Variants in SSBP2 observed in about 807,000 individuals in gnomAD.
The protein encoded by SSBP2 is single stranded DNA binding protein 2.
Under a neutral mutation model 61.8 loss-of-function variants are expected in SSBP2, and 17 were observed. The observed-to-expected ratio is 0.28, with a 90% CI of 0.19 to 0.41. The LOEUF (loss-of-function observed/expected upper bound fraction) is 0.41. SSBP2 is among the 10% of genes least tolerant of loss of function. The pLI, the probability that SSBP2 is intolerant of heterozygous loss-of-function variation, is 1.00. For synonymous variants in SSBP2, 139 were observed against 141.3 expected, an observed-to-expected ratio of 0.98 and a Z score of 0.12; for missense variants, 310 against 458.7, an observed-to-expected ratio of 0.68 and a Z score of 2.96.
At chr5:81,733,554 T>A (rs1286709988) in intron 1 of SSBP2, among the ~76,000 whole-genome samples, 1 of 152,202 alleles carries the variant, frequency 6.6e-6, no homozygotes, top group Non-Finnish European at 1.5e-5. Context: ...TTATAATCTA[T>A]CCAGATTGGA....
At chr5:81,749,996 T>C (rs1757616947) in intron 1 of SSBP2, among the ~76,000 whole-genome samples, 1 of 149,920 alleles carries the variant, frequency 6.7e-6, no homozygotes, top group Non-Finnish European at 1.5e-5. Context: ...CCCCGGCGGC[T>C]CCCACAACTC....
intron 1 of SSBP2, among the ~76,000 whole-genome samples, chr5:81,715,575 A>G (rs1043890193): frequency 9.8e-5 from 15 of 152,368 alleles, no homozygotes; most frequent in African/African-American, 2.6e-4. Context: ...TTTAACAAGT[A>G]TAAGTATTCC....
At chr5:81,670,258 T>C (rs1247836306) in intron 1 of SSBP2, among the ~76,000 whole-genome samples, 2 of 152,158 alleles carry the variant, frequency 1.3e-5, no homozygotes, top group Non-Finnish European at 2.9e-5. Flanking sequence ...GTAACACATG[T>C]GTGGGAGCAG....
In SSBP2 at chr5:81,615,537, C is replaced by T; in HGVS notation, c.218G>A (p.Cys73Tyr). 1 of 1,613,138 alleles carries T rather than the reference C, an allele frequency of 6.2e-7. No homozygotes were observed. The highest frequency in any genetic ancestry group is 8.5e-7 in the Non-Finnish European group (1 of 1,179,478). ...TGTTTCACGTCTCTCTGGAGCTGCA[C>T]AGTAGAGATCCCAAAATACACTAAA... Residue 73 changes from cysteine (C) to tyrosine (Y), a missense_variant, in exon 4 of 17, where the codon TGT becomes TAT. Around this residue, in one of 4 missense-constraint regions of SSBP2, gnomAD observed 209 missense variants for 286.4 expected, o/e 0.73. Transcript: ENST00000320672.
intron 1 of SSBP2, among the ~76,000 whole-genome samples, chr5:81,719,012 G>A (rs986068355): frequency 7.2e-5 from 11 of 152,084 alleles, no homozygotes; most frequent in African/African-American, 1.9e-4. Flanking sequence ...ATTTTCCCCC[G>A]TTTACATTTT....
intron 4 of SSBP2, among the ~76,000 whole-genome samples, chr5:81,578,465 T>C (rs1195550450): frequency 1.3e-5 from 2 of 151,942 alleles, no homozygotes; most frequent in Non-Finnish European, 2.9e-5. Context: ...TGAATTTAAA[T>C]TGTTTCTGGA....
intron 3 of SSBP2, among the ~76,000 whole-genome samples, chr5:81,617,941 T>A (rs1384382536): frequency 1.5e-5 from 2 of 135,638 alleles, no homozygotes; most frequent in African/African-American, 5.6e-5. Context: ...CTAAAAGAGC[T>A]CCTGAAGCAA....
Position 81,750,962 on chromosome 5 carries a change from G to A in SSBP2, c.62+19C>T. 5.7e-6 allele frequency: 9 copies of A among 1,582,778 alleles called. No homozygotes were observed. The highest frequency in any genetic ancestry group is 6.9e-6 in the Non-Finnish European group (8 of 1,164,364). On this transcript the variant is annotated intron_variant, in intron 1 of 16. Coordinates refer to ENST00000320672, the MANE Select transcript of SSBP2 (RefSeq NM_012446.5). ...CGCGCGTGTGAAGGCGGAGGTGGGT[G>A]AGAAGCGGAGACACTTACTTCTCCC...
chr5:81,465,250 T>C (rs1764809517), intron 9 of SSBP2, among the ~76,000 whole-genome samples: 1 of 151,952 alleles, frequency 6.6e-6, no homozygotes, highest in African/African-American at 2.4e-5. Context: ...TAAAATATGA[T>C]GTAATTGAAA....
chr5:81,667,479 G>A (rs1751245516), intron 1 of SSBP2, among the ~76,000 whole-genome samples: 1 of 152,044 alleles, frequency 6.6e-6, no homozygotes, highest in South Asian at 2.1e-4. Flanking sequence ...TCATACAGAG[G>A]CAGGGCTAAC....
chr5:81,529,681 A>G (rs1452289786), intron 4 of SSBP2, among the ~76,000 whole-genome samples: 1 of 152,132 alleles, frequency 6.6e-6, no homozygotes, highest in Non-Finnish European at 1.5e-5. Flanking sequence ...GGAATAAAAA[A>G]CAATTCAGAT....
At chr5:81,749,272 C>G (rs944385621) in intron 1 of SSBP2, among the ~76,000 whole-genome samples, 1 of 152,044 alleles carries the variant, frequency 6.6e-6, no homozygotes, top group Non-Finnish European at 1.5e-5. Context: ...CAGAAAATAT[C>G]TCTTGCAAAA....
chr5:81,486,235 T>A (rs553042180), intron 6 of SSBP2, among the ~76,000 whole-genome samples: 105 of 152,274 alleles, frequency 6.9e-4, no homozygotes, highest in African/African-American at 2.4e-3. Flanking sequence ...TTGTCTCTTT[T>A]GAAAATTCAA....
At chr5:81,610,968 T>C (rs1476104659) in intron 4 of SSBP2, among the ~76,000 whole-genome samples, 1 of 152,214 alleles carries the variant, frequency 6.6e-6, no homozygotes, top group Non-Finnish European at 1.5e-5. Flanking sequence ...CACTCCAGCC[T>C]GGGCAACAAG....
chr5:81,707,397 C>G (rs201060625), intron 1 of SSBP2, among the ~76,000 whole-genome samples: 1 of 151,980 alleles, frequency 6.6e-6, no homozygotes, highest in East Asian at 1.9e-4. Context: ...TGACTGATGT[C>G]CTTATAAAAA....
intron 4 of SSBP2, among the ~76,000 whole-genome samples, chr5:81,587,681 G>A (rs892697157): frequency 1.3e-5 from 2 of 152,092 alleles, no homozygotes; most frequent in African/African-American, 4.8e-5. Context: ...AGTGAGCTGA[G>A]GTTGTGCCAC....
intron 15 of SSBP2, among the ~76,000 whole-genome samples, chr5:81,436,838 GATAC>G (rs1402547613): frequency 6.6e-6 from 1 of 152,060 alleles, no homozygotes; most frequent in East Asian, 1.9e-4. Flanking sequence ...ATTCATTTTA[GATAC>G]TCAAACTATT....
At chr5:81,638,775 A>G (rs987677265) in intron 2 of SSBP2, among the ~76,000 whole-genome samples, 3 of 152,188 alleles carry the variant, frequency 2.0e-5, no homozygotes, top group Admixed American at 1.3e-4. Flanking sequence ...TGTAACTAGG[A>G]AAAAGGAACA....
In SSBP2 at chr5:81,428,615, TC is replaced by T; in HGVS notation, c.1025del (p.Gly342GlufsTer4). The T allele has an allele frequency of 6.2e-7, 1 of 1,613,230 alleles. No homozygotes were observed. On this transcript the variant is annotated frameshift_variant, in exon 16 of 17. Coordinates refer to ENST00000320672, the MANE Select transcript of SSBP2 (RefSeq NM_012446.5). LOFTEE classifies it high-confidence loss of function. Reference sequence around the variant, plus strand: ...CACTCTGAAAAGGATTTAAGAAATTTCCCCCCATTTCGCCATCATCCCTTGG... The same window carrying T: ...CACTCTGAAAAGGATTTAAGAAATTTCCCCCATTTCGCCATCATCCCTTGG...
Sources: allele counts gnomAD v4.1 joint callset (sites outside exome capture counted in the v4.1 genomes callset), GRCh38; gene constraint gnomAD v4.1.1; regional missense constraint gnomAD v4.1.1; transcripts MANE v1.5; gene names NCBI Gene and HGNC (gene_info 2026-07-23, HGNC 2026-07-21).